MACROD1: variants seen among roughly 807,000 people sequenced by gnomAD.
MACROD1 encodes mono-ADP ribosylhydrolase 1, also known as ADP-ribose glycohydrolase MACROD1.
In MACROD1, 31 loss-of-function variants were observed where a neutral mutation model predicts 41.4. The ratio of observed to expected loss-of-function variants is 0.75; its 90% confidence interval spans 0.56 to 1.01. MACROD1 has a LOEUF of 1.01. Ranked by LOEUF, MACROD1 falls within the 50% of genes least tolerant of loss-of-function variation. The probability of loss-of-function intolerance (pLI) is 0.00; values close to 1 mark genes in which losing one functional copy is unlikely to be tolerated. For synonymous variants in MACROD1, 252 were observed against 203.4 expected, an observed-to-expected ratio of 1.24 and a Z score of -2.03; for missense variants, 473 against 460.0, an observed-to-expected ratio of 1.03 and a Z score of -0.26.
rs529623234 is a variant in MACROD1, at chr11:64,116,767, G to A, written c.517+34472C>T. The A allele has an allele frequency of 1.4e-4, 219 of 1,613,628 alleles. 3 individuals are homozygous for A. The highest frequency in any genetic ancestry group is 1.2e-3 in the South Asian group (108 of 91,086). ...GATGACAACTCCGTGTCCACCGTCA[G>A]CATTGAGGAGGACGCCTTCGCCGAC... On this transcript the variant is annotated intron_variant, in intron 3 of 10. Transcript: ENST00000255681.
Position 64,166,048 on chromosome 11 carries a change from C to A in MACROD1, c.-54G>T. On this transcript the variant is annotated 5_prime_UTR_variant, in exon 1 of 11. Transcript: ENST00000255681. ...CCACTTGGACTCTATTTACGGCGCT[C>A]GGGAGTGTCTCTCCCTTATTTACTC... is the stretch of plus-strand genomic sequence containing the variant. 1 of 1,240,630 alleles carries A rather than the reference C, an allele frequency of 8.1e-7. No individual in the cohort carries two copies. The highest frequency in any genetic ancestry group is 3.8e-5 in the South Asian group (1 of 26,550). 76.9% of individuals were successfully genotyped at this position (1,240,630 alleles called of 1,614,324 possible).
chr11:64,164,440 T>C (rs979472075), intron 1 of MACROD1, among the ~76,000 whole-genome samples: 1 of 152,224 alleles, frequency 6.6e-6, no homozygotes, highest in Non-Finnish European at 1.5e-5. Context: ...TGTTGTCCTC[T>C]GAGAGAGTGC....
chr11:64,009,162 ACGGG>A (rs1327273698), intron 4 of MACROD1: 1 of 152,134 alleles, frequency 6.6e-6, no homozygotes, highest in Non-Finnish European at 1.5e-5. Flanking sequence ...CAGGAGAGAC[ACGGG>A]CGTCAGGGCT....
intron 3 of MACROD1, among the ~76,000 whole-genome samples, chr11:64,098,238 A>G (rs1298363566): frequency 6.6e-6 from 1 of 152,116 alleles, no homozygotes; most frequent in Non-Finnish European, 1.5e-5. Flanking sequence ...CAGGCCCCTC[A>G]GTGCAGCATT....
Position 64,064,362 on chromosome 11 carries a change from T to C in MACROD1, c.518-49081A>G, listed in dbSNP as rs570916411. On this transcript the variant is annotated intron_variant, in intron 3 of 10. Transcript: ENST00000255681. The surrounding 1 kb of genome is among the most constrained non-coding windows in gnomAD (Gnocchi z 4.5). ...GGCCTGCCTGTCCAGGTAGATCCTA[T>C]GGGGCCACAGGCATTGGATGGAGGA... is the stretch of plus-strand genomic sequence containing the variant. Among the ~76,000 whole-genome samples, 231 of 152,146 alleles carry C rather than the reference T, an allele frequency of 1.5e-3. No homozygotes were observed. Among genetic ancestry groups the C allele is most frequent in the African/African-American group, 4.2e-3 (174 of 41,536 alleles).
chr11:64,089,113 G>A (rs531456048), intron 3 of MACROD1, among the ~76,000 whole-genome samples: 8 of 152,324 alleles, frequency 5.3e-5, no homozygotes, highest in South Asian at 4.1e-4. Flanking sequence ...GAACCCAGCC[G>A]GAAGGCAGGA....
intron 3 of MACROD1, among the ~76,000 whole-genome samples, 162 bp downstream of exon 3, chr11:64,151,077 C>T (rs561660872): frequency 2.6e-5 from 4 of 152,320 alleles, no homozygotes; most frequent in East Asian, 3.9e-4. Flanking sequence ...AAGAGGAGCC[C>T]GAGTGGCCGA....
chr11:64,030,714 C>A (rs907531800), intron 3 of MACROD1, among the ~76,000 whole-genome samples: 1 of 152,038 alleles, frequency 6.6e-6, no homozygotes, highest in Non-Finnish European at 1.5e-5. Context: ...TGCTACAAAA[C>A]AGAAGTGGAG....
chr11:64,132,870 CTCCCAT>C (rs1367630281), intron 3 of MACROD1, among the ~76,000 whole-genome samples: 1 of 152,218 alleles, frequency 6.6e-6, no homozygotes, highest in Non-Finnish European at 1.5e-5. Context: ...GGCTGGCTTA[CTCCCAT>C]TTTAAAACCA....
chr11:64,123,275 G>A (rs960110164), intron 3 of MACROD1, among the ~76,000 whole-genome samples: 12 of 152,194 alleles, frequency 7.9e-5, no homozygotes, highest in Non-Finnish European at 1.0e-4. Flanking sequence ...CTGGATGGGC[G>A]CCAGGGCAAG....
intron 3 of MACROD1, among the ~76,000 whole-genome samples, chr11:64,038,264 C>T (rs765039439): frequency 6.6e-6 from 1 of 152,206 alleles, no homozygotes; most frequent in Non-Finnish European, 1.5e-5. Context: ...GAGCCTGTGT[C>T]GCATTCACTG....
At chr11:64,152,221 T>C in intron 2 of MACROD1, 71 bp downstream of exon 2, 2 of 1,333,286 alleles carry the variant, frequency 1.5e-6, no homozygotes, top group Non-Finnish European at 2.2e-6. Context: ...CTAGCTCTTC[T>C]TGTCTGCACA....
At chr11:64,042,838 C>T (rs1394758389) in intron 3 of MACROD1, among the ~76,000 whole-genome samples, 2 of 152,274 alleles carry the variant, frequency 1.3e-5, no homozygotes, top group East Asian at 3.9e-4. Flanking sequence ...TTGGGCTAGC[C>T]AGAGGGGCTG....
At chr11:64,144,267 T>G (rs192023492) in intron 3 of MACROD1, among the ~76,000 whole-genome samples, 3 of 152,226 alleles carry the variant, frequency 2.0e-5, no homozygotes, top group African/African-American at 7.2e-5. Context: ...TCCCCACTGC[T>G]TCCCTCCCCT....
At chr11:64,076,280 T>A (rs1474533201) in intron 3 of MACROD1, among the ~76,000 whole-genome samples, 8 of 152,120 alleles carry the variant, frequency 5.3e-5, no homozygotes, top group Admixed American at 4.6e-4. Context: ...GACCCTCCAC[T>A]GCATGGGTCA....
intron 3 of MACROD1, among the ~76,000 whole-genome samples, chr11:64,092,590 C>G (rs959704630): frequency 2.0e-5 from 3 of 152,256 alleles, no homozygotes; most frequent in African/African-American, 7.2e-5. Context: ...CTCCTCTGCC[C>G]CGTCCACTCC....
intron 3 of MACROD1, among the ~76,000 whole-genome samples, chr11:64,057,220 G>C (rs1943802870): frequency 6.6e-6 from 1 of 152,236 alleles, no homozygotes; most frequent in African/African-American, 2.4e-5. Context: ...TCTGGGACCA[G>C]CTTGGCTGGG....
At chr11:64,139,587 C>T (rs1293133937) in intron 3 of MACROD1, among the ~76,000 whole-genome samples, 2 of 152,174 alleles carry the variant, frequency 1.3e-5, no homozygotes, top group African/African-American at 4.8e-5. Context: ...CGTTTATGAG[C>T]CCCTCCAGTG....
At chr11:64,030,942 T>G (rs1170659072) in intron 3 of MACROD1, among the ~76,000 whole-genome samples, 1 of 151,204 alleles carries the variant, frequency 6.6e-6, no homozygotes, top group Admixed American at 6.6e-5. Flanking sequence ...GGGAGGCCTT[T>G]CTGATGATAG....
Sources: allele counts gnomAD v4.1 joint callset (sites outside exome capture counted in the v4.1 genomes callset), GRCh38; gene constraint gnomAD v4.1.1; non-coding constraint Gnocchi (gnomAD v3.1); transcripts MANE v1.5; gene names NCBI Gene and HGNC (gene_info 2026-07-23, HGNC 2026-07-21).